The following PTPN2 variants were observed in gnomAD, a reference collection of about 807,000 sequenced individuals.
PTPN2 encodes protein tyrosine phosphatase non-receptor type 2, also known as tyrosine-protein phosphatase non-receptor type 2.
In PTPN2, 19 loss-of-function variants were observed where a neutral mutation model predicts 57.3. The observed-to-expected ratio is 0.33, with a 90% CI of 0.23 to 0.49. The LOEUF is 0.49. Ranked by LOEUF, PTPN2 falls within the 20% of genes least tolerant of loss-of-function variation. PTPN2 has a pLI of 0.99. For synonymous variants in PTPN2, 153 were observed against 164.9 expected (o/e 0.93, Z 0.55); for missense variants, 358 against 501.1 (o/e 0.71, Z 2.73).
chr18:12,873,290 C>T lies in PTPN2; in HGVS notation c.69+10783G>A, dbSNP rs968306979. Among the ~76,000 whole-genome samples, 16 of 151,718 alleles carry T rather than the reference C, an allele frequency of 1.1e-4. 1 individual carries two copies. Among genetic ancestry groups the T allele is most frequent in the African/African-American group, 3.6e-4 (15 of 41,176 alleles). On this transcript the variant is annotated intron_variant, in intron 1 of 8. Coordinates refer to ENST00000309660, the MANE Select transcript of PTPN2 (RefSeq NM_002828.4). ...CCCTCTCCCCACGGTCTCCGTCTCC[C>T]CACGGTCTCCCTCTCCCTCTCTTTC...
At chr18:12,866,296 G>T (rs943889166) in intron 1 of PTPN2, among the ~76,000 whole-genome samples, 2 of 152,058 alleles carry the variant, frequency 1.3e-5, no homozygotes, top group South Asian at 2.1e-4. Flanking sequence ...AAATTAGCCG[G>T]GTGTGGTGGC....
chr18:12,880,108 A>G (rs1471690805), intron 1 of PTPN2, among the ~76,000 whole-genome samples: 2 of 152,208 alleles, frequency 1.3e-5, no homozygotes, highest in Admixed American at 1.3e-4. Context: ...GCAGGTCAAG[A>G]AGGCCTGCCA....
intron 2 of PTPN2, among the ~76,000 whole-genome samples, chr18:12,849,205 C>T (rs2043309426): frequency 6.6e-6 from 1 of 152,210 alleles, no homozygotes. Flanking sequence ...TTTAAATAAT[C>T]TTTCCACACT....
rs549748467 is a variant in PTPN2, at chr18:12,868,421, AT to A, written c.70-9168del. Among the ~76,000 whole-genome samples, 14 of 151,796 alleles carry A rather than the reference AT, an allele frequency of 9.2e-5. No homozygotes were observed. In the East Asian group the frequency reaches 2.6e-3, roughly 28 times the overall value. Reference sequence around the variant, plus strand: ...AGGTGCACATCACCATGCCTGGCTAATTTTTGTATTTTTTAGTAGAGACAGG... The same window carrying A: ...AGGTGCACATCACCATGCCTGGCTAATTTTGTATTTTTTAGTAGAGACAGG... On this transcript the variant is annotated intron_variant, in intron 1 of 8. Transcript: ENST00000309660.
At chr18:12,831,106 G>C in intron 3 of PTPN2, 65 bp from the exon 4 acceptor site, 1 of 1,150,840 alleles carries the variant, frequency 8.7e-7, no homozygotes, top group African/African-American at 1.5e-5. Flanking sequence ...CTCCAGGAAG[G>C]CCTTGTTAAG....
At chr18:12,846,491 C>A (rs1398380280) in intron 2 of PTPN2, among the ~76,000 whole-genome samples, 1 of 152,150 alleles carries the variant, frequency 6.6e-6, no homozygotes, top group Non-Finnish European at 1.5e-5. Context: ...TATTTTCATG[C>A]TCAGATTATC....
intron 2 of PTPN2, among the ~76,000 whole-genome samples, chr18:12,849,739 G>A (rs73404475): frequency 2.0e-4 from 31 of 151,798 alleles, no homozygotes; most frequent in South Asian, 2.1e-4. Flanking sequence ...GAAACATACC[G>A]GTAAAACCAG....
At chr18:12,828,345 G>C (rs2042550592) in intron 4 of PTPN2, among the ~76,000 whole-genome samples, 1 of 152,158 alleles carries the variant, frequency 6.6e-6, no homozygotes, top group Admixed American at 6.6e-5. Flanking sequence ...CTTGCTTGTA[G>C]AACTAAGAGT....
chr18:12,875,066 G>A (rs1568176038), intron 1 of PTPN2, among the ~76,000 whole-genome samples: 1 of 152,078 alleles, frequency 6.6e-6, no homozygotes, highest in Non-Finnish European at 1.5e-5. Context: ...AATGGATTAA[G>A]GGCAGTGCAA....
Position 12,876,882 on chromosome 18 carries a change from C to A in PTPN2, c.69+7191G>T, listed in dbSNP as rs79161563. On this transcript the variant is annotated intron_variant, in intron 1 of 8. Coordinates refer to ENST00000309660, the MANE Select transcript of PTPN2 (RefSeq NM_002828.4). The stretch of plus-strand genomic sequence containing the variant: ...AATGACCCTACCTATTATAACACAT[C>A]CACTCCCTCCTAGCCATCAAAATTA... Among the ~76,000 whole-genome samples the A allele has an allele frequency of 9.1e-4, 139 of 152,298 alleles. 1 individual carries two copies. Among genetic ancestry groups the A allele is most frequent in the Admixed American group, 7.5e-3 (115 of 15,292 alleles).
Position 12,793,599 on chromosome 18 carries a change from T to A in PTPN2, c.*679A>T, listed in dbSNP as rs908408261. 2.0e-6 allele frequency: 2 copies of A among 977,302 alleles called. No individual in the cohort carries two copies. The highest frequency in any genetic ancestry group is 1.8e-5 in the African/African-American group (1 of 57,026). The allele number at this position is 977,302 out of a possible 1,614,324, so 60.5% of individuals were successfully genotyped here. A position where few individuals can be genotyped will look rare whatever the true frequency, so the allele number is the denominator to read the frequency against. ...ACTGTAAAACATAAAAGAAATGCAA[T>A]ATATAGTAGAAATTGCTTATTCCAA... On this transcript the variant is annotated 3_prime_UTR_variant, in exon 9 of 9. Transcript: ENST00000309660.
In PTPN2 at chr18:12,799,394, G is replaced by C. The variant is rs543393943; in HGVS notation, c.1040+2576C>G. On this transcript the variant is annotated intron_variant, in intron 8 of 8. Coordinates refer to ENST00000309660, the MANE Select transcript of PTPN2 (RefSeq NM_002828.4). ...ACTGCGCCACTGCACTTCAGCCTGGGTGACAGAGCAAGACTCCGTCTCAGG... is the reference window on the plus strand; with the variant it reads ...ACTGCGCCACTGCACTTCAGCCTGGCTGACAGAGCAAGACTCCGTCTCAGG... Among the ~76,000 whole-genome samples, 40 of 151,422 alleles carry C rather than the reference G, an allele frequency of 2.6e-4. No homozygotes were observed. In the South Asian group the frequency reaches 6.5e-3, roughly 25 times the overall value.
chr18:12,881,628 C>G (rs969348161), intron 1 of PTPN2, among the ~76,000 whole-genome samples: 1 of 152,188 alleles, frequency 6.6e-6, no homozygotes, highest in Admixed American at 6.5e-5. Flanking sequence ...TGTGCACTCC[C>G]TCCTTGCTGG....
chr18:12,824,530 C>T (rs778978934), intron 5 of PTPN2, among the ~76,000 whole-genome samples: 1 of 152,144 alleles, frequency 6.6e-6, no homozygotes, highest in Non-Finnish European at 1.5e-5. Context: ...CACTTATAGA[C>T]TACATACATT....
At chr18:12,853,966 G>A (rs958366645) in intron 2 of PTPN2, among the ~76,000 whole-genome samples, 1 of 152,178 alleles carries the variant, frequency 6.6e-6, no homozygotes, top group Non-Finnish European at 1.5e-5. Flanking sequence ...GAACAGAAGG[G>A]AAACAAGGAG....
downstream of PTPN2, among the ~76,000 whole-genome samples, chr18:12,790,115 T>C (rs2040947032): frequency 6.6e-6 from 1 of 152,070 alleles, no homozygotes; most frequent in Non-Finnish European, 1.5e-5. Context: ...TCTTTTTTTT[T>C]TAAGTAGAGA....
At chr18:12,851,310 T>C (rs1461248772) in intron 2 of PTPN2, among the ~76,000 whole-genome samples, 1 of 22,232 alleles carries the variant, frequency 4.5e-5, no homozygotes, top group African/African-American at 9.6e-5. Context: ...AAACCCCGTC[T>C]CTACTAAAAA....
chr18:12,803,220 AAAGT>A (rs1485605219), intron 7 of PTPN2, among the ~76,000 whole-genome samples: 2 of 152,178 alleles, frequency 1.3e-5, no homozygotes, highest in Admixed American at 1.3e-4. Context: ...ACAAAGAAAA[AAAGT>A]AACTACAGCA....
chr18:12,853,510 A>C (rs1598852294), intron 2 of PTPN2, among the ~76,000 whole-genome samples: 1 of 152,292 alleles, frequency 6.6e-6, no homozygotes, highest in East Asian at 1.9e-4. Context: ...CCCAGCTTTT[A>C]AAAAATACAC....
Sources: gnomAD v4.1 joint callset for allele counts (sites outside exome capture counted in the v4.1 genomes callset) on GRCh38, gnomAD v4.1.1 for gene constraint, MANE v1.5 for transcripts, NCBI Gene and HGNC (gene_info 2026-07-23, HGNC 2026-07-21) for gene names.